COMMD10: variants seen among roughly 807,000 people sequenced by gnomAD.
COMMD10 encodes COMM domain-containing protein 10.
COMMD10 carries 33 observed loss-of-function variants against 28.9 expected under a neutral mutation model. The ratio of observed to expected loss-of-function variants is 1.14; its 90% CI spans 0.87 to 1.53. The LOEUF (loss-of-function observed/expected upper bound fraction) is 1.53, where lower values mean the gene tolerates loss of function less well. Among genes scored for constraint, COMMD10 ranks in the 40% most tolerant of loss-of-function variants. The pLI is 0.00. For missense variants in COMMD10, 310 were observed against 233.4 expected, an observed-to-expected ratio of 1.33 and a Z score of -2.14; for synonymous variants, 110 against 81.7, an observed-to-expected ratio of 1.35 and a Z score of -1.87.
At chr5:116,184,073 G>T (rs1202827612) in intron 5 of COMMD10, among the ~76,000 whole-genome samples, 3 of 152,068 alleles carry the variant, frequency 2.0e-5, no homozygotes, top group African/African-American at 4.8e-5. Context: ...AGGTCATGAT[G>T]CTTTGGGGAA....
Position 116,138,795 on chromosome 5 carries a change from TC to T in COMMD10, c.510+4618del, listed in dbSNP as rs1390861210. Among the ~76,000 whole-genome samples the T allele has an allele frequency of 5.9e-5, 9 of 151,900 alleles. No homozygotes were observed. The East Asian group carries it at 1.7e-3, about 29-fold the overall frequency. Reference sequence around the variant, plus strand: ...TACTAGTTTTCTGACTTAGAGCTCTTCATTCTTATTTCCAAAATATATGACA... The same window carrying T: ...TACTAGTTTTCTGACTTAGAGCTCTTATTCTTATTTCCAAAATATATGACA... On this transcript the variant is annotated intron_variant, in intron 5 of 6. Transcript: ENST00000274458.
intron 5 of COMMD10, among the ~76,000 whole-genome samples, chr5:116,135,965 C>CT (rs1752013915): frequency 6.6e-6 from 1 of 152,134 alleles, no homozygotes; most frequent in Non-Finnish European, 1.5e-5. Flanking sequence ...TTTATGAAGA[C>CT]TAAATACCTA....
At chr5:116,266,773 G>C (rs1469995696) in intron 5 of COMMD10, among the ~76,000 whole-genome samples, 1 of 151,532 alleles carries the variant, frequency 6.6e-6, no homozygotes, top group Non-Finnish European at 1.5e-5. Context: ...TCATCCCTGG[G>C]ATGCAAGGCT....
intron 5 of COMMD10, among the ~76,000 whole-genome samples, chr5:116,237,803 G>T (rs1292350909): frequency 6.6e-6 from 1 of 152,164 alleles, no homozygotes. Flanking sequence ...CAAGTTAGCA[G>T]TGGTGTTAAA....
intron 5 of COMMD10, among the ~76,000 whole-genome samples, chr5:116,274,956 A>G (rs914817194): frequency 5.3e-5 from 8 of 151,712 alleles, no homozygotes; most frequent in Non-Finnish European, 1.0e-4. Flanking sequence ...TTGTACATCT[A>G]ATGGCCTGCT....
At chr5:116,152,457 T>G (rs1362129284) in intron 5 of COMMD10, among the ~76,000 whole-genome samples, 1 of 152,078 alleles carries the variant, frequency 6.6e-6, no homozygotes. Flanking sequence ...AAAATCTGGC[T>G]ACTATATCAT....
intron 5 of COMMD10, among the ~76,000 whole-genome samples, chr5:116,263,141 T>C (rs1307872693): frequency 6.6e-6 from 1 of 151,862 alleles, no homozygotes; most frequent in Non-Finnish European, 1.5e-5. Flanking sequence ...ACATATATTT[T>C]AGAAAATGAA....
Position 116,123,092 on chromosome 5 carries a change from T to C in COMMD10, c.400-10976T>C, listed in dbSNP as rs557649814. ...GGAATGCTTCTAGTTTTTGCCCATT[T>C]GATATGATATTGGCTGTGGGTTTGT... On this transcript the variant is annotated intron_variant, in intron 4 of 6. Transcript: ENST00000274458. Among the ~76,000 whole-genome samples the C allele has an allele frequency of 4.2e-3, 640 of 151,584 alleles. 4 individuals are homozygous for C. The highest frequency in any genetic ancestry group is 0.014 in the African/African-American group (599 of 41,474).
Position 116,289,371 on chromosome 5 carries a change from A to T in COMMD10, c.511-2146A>T, listed in dbSNP as rs193215532. Among the ~76,000 whole-genome samples, 53 of 151,852 alleles carry T rather than the reference A, an allele frequency of 3.5e-4. 1 individual carries two copies. The highest frequency in any genetic ancestry group is 1.2e-3 in the African/African-American group (48 of 41,228). Reference sequence around the variant, plus strand: ...ATTTTGAAAGACAACTACCTCCCCTAGTCTTTGCATACTGGCTTTGTGCAG... The same window carrying T: ...ATTTTGAAAGACAACTACCTCCCCTTGTCTTTGCATACTGGCTTTGTGCAG... On this transcript the variant is annotated intron_variant, in intron 5 of 6. Coordinates refer to ENST00000274458, the MANE Select transcript of COMMD10 (RefSeq NM_016144.4).
chr5:116,285,972 C>T (rs982149230), intron 5 of COMMD10, among the ~76,000 whole-genome samples: 2 of 151,752 alleles, frequency 1.3e-5, no homozygotes, highest in Admixed American at 1.3e-4. Flanking sequence ...TAGAATTGTC[C>T]AGTGAAGCCA....
intron 5 of COMMD10, among the ~76,000 whole-genome samples, chr5:116,180,030 A>G (rs1477879790): frequency 1.3e-5 from 2 of 152,096 alleles, no homozygotes; most frequent in Non-Finnish European, 2.9e-5. Context: ...TACTCTTGAT[A>G]TTAAAAAGAT....
At position 116,114,187 on chromosome 5, in the gene COMMD10, G is replaced by T. The variant is rs566843663; in HGVS notation, c.400-19881G>T. ...GTGGTAGCAGTGGTTGTCTAAGCAG[G>T]TCTATATCTAGGGCAGTGTGTGCTG... is the stretch of plus-strand genomic sequence containing the variant. On this transcript the variant is annotated intron_variant, in intron 4 of 6. Transcript: ENST00000274458. Among the ~76,000 whole-genome samples, 62 of 152,188 alleles carry T rather than the reference G, an allele frequency of 4.1e-4. 1 individual carries two copies. The highest frequency in any genetic ancestry group is 6.9e-4 in the Non-Finnish European group (47 of 68,010).
chr5:116,175,819 G>A (rs150275890), intron 5 of COMMD10, among the ~76,000 whole-genome samples: 3,009 of 152,180 alleles, frequency 0.02, 43 homozygotes, highest in Non-Finnish European at 0.032. Context: ...TACATAGAGC[G>A]GTCAAATTCA....
chr5:116,184,966 C>T (rs1404837326), intron 5 of COMMD10, among the ~76,000 whole-genome samples: 1 of 151,856 alleles, frequency 6.6e-6, no homozygotes, highest in East Asian at 1.9e-4. Context: ...TCCTATTTTG[C>T]AAAATGAGAA....
chr5:116,086,907 G>T (rs1750121599), intron 1 of COMMD10, among the ~76,000 whole-genome samples: 2 of 152,168 alleles, frequency 1.3e-5, no homozygotes, highest in South Asian at 2.1e-4. Context: ...AACCCAGGAG[G>T]CAGAGGCTGT....
At chr5:116,103,511 GT>G (rs1004412621) in intron 4 of COMMD10, among the ~76,000 whole-genome samples, 1 of 151,854 alleles carries the variant, frequency 6.6e-6, no homozygotes, top group African/African-American at 2.4e-5. Context: ...TTTTTGATGG[GT>G]TTTTTTCTTG....
chr5:116,112,504 C>T (rs1271767348), intron 4 of COMMD10, among the ~76,000 whole-genome samples: 2 of 151,342 alleles, frequency 1.3e-5, no homozygotes, highest in Non-Finnish European at 2.9e-5. Context: ...TCAAGCAATT[C>T]TCCTGCCTCA....
At chr5:116,276,745 A>G (rs937478894) in intron 5 of COMMD10, among the ~76,000 whole-genome samples, 3 of 151,794 alleles carry the variant, frequency 2.0e-5, no homozygotes, top group African/African-American at 7.3e-5. Flanking sequence ...TATTAAATGA[A>G]TGAAACTGGT....
At chr5:116,137,475 G>T (rs1394473315) in intron 5 of COMMD10, among the ~76,000 whole-genome samples, 1 of 151,812 alleles carries the variant, frequency 6.6e-6, no homozygotes, top group Admixed American at 6.6e-5. Context: ...GGAAGCATTG[G>T]GTACAGTTCT....
Sources: allele counts gnomAD v4.1 joint callset (sites outside exome capture counted in the v4.1 genomes callset), GRCh38; gene constraint gnomAD v4.1.1; transcripts MANE v1.5; gene names NCBI Gene and HGNC (gene_info 2026-07-23, HGNC 2026-07-21).